TMEM132D: variants seen among roughly 807,000 people sequenced by gnomAD.
The protein encoded by TMEM132D is transmembrane protein 132D, also known as mature OL transmembrane protein.
In TMEM132D, 21 loss-of-function variants were observed where a neutral mutation model predicts 62.3. The observed-to-expected ratio is 0.34, with a 90% confidence interval of 0.24 to 0.49. TMEM132D has a LOEUF of 0.49. Among genes scored for constraint, TMEM132D ranks in the 20% least tolerant of loss-of-function variants. The pLI is 0.99. For synonymous variants in TMEM132D, 621 were observed against 575.6 expected (o/e 1.08, Z -1.13); for missense variants, 1,346 against 1,402.8 (o/e 0.96, Z 0.65).
At chr12:129,292,709 T>C (rs997572741) in intron 4 of TMEM132D, among the ~76,000 whole-genome samples, 4 of 152,190 alleles carry the variant, frequency 2.6e-5, no homozygotes, top group African/African-American at 9.6e-5. Flanking sequence ...TAACTTTTAA[T>C]AGCACATAAT....
intron 6 of TMEM132D, 135 bp downstream of exon 6, chr12:129,084,362 C>G: frequency 1.2e-6 from 1 of 868,228 alleles, no homozygotes; most frequent in South Asian, 2.1e-5. Context: ...CAACACAGAG[C>G]AAATCCAAGC....
chr12:129,328,106 C>A (rs1868977617), intron 4 of TMEM132D, among the ~76,000 whole-genome samples: 1 of 152,220 alleles, frequency 6.6e-6, no homozygotes, highest in African/African-American at 2.4e-5. Flanking sequence ...GGAGCAATGT[C>A]TGAGCTCAAA....
chr12:129,514,468 G>A (rs766604546), intron 3 of TMEM132D, among the ~76,000 whole-genome samples: 1 of 152,122 alleles, frequency 6.6e-6, no homozygotes, highest in Non-Finnish European at 1.5e-5. Context: ...ACATTGAAGG[G>A]CTAGATTTTT....
chr12:129,202,754 C>T (rs930419386), intron 5 of TMEM132D, among the ~76,000 whole-genome samples: 2 of 152,124 alleles, frequency 1.3e-5, no homozygotes, highest in Non-Finnish European at 2.9e-5. Flanking sequence ...CTTCCTCATG[C>T]CATTCCCTCT....
chr12:129,781,672 C>G (rs1565983577), intron 1 of TMEM132D, among the ~76,000 whole-genome samples: 1 of 152,060 alleles, frequency 6.6e-6, no homozygotes, highest in Non-Finnish European at 1.5e-5. Flanking sequence ...AAGCAAAGAA[C>G]CAGAGAACAC....
chr12:129,090,086 A>G (rs1008560091), intron 5 of TMEM132D, among the ~76,000 whole-genome samples: 11 of 152,222 alleles, frequency 7.2e-5, no homozygotes, highest in African/African-American at 2.4e-4. Flanking sequence ...AGCAGCCGCT[A>G]TGAGCTTCCG....
At chr12:129,121,893 G>T (rs943227189) in intron 5 of TMEM132D, among the ~76,000 whole-genome samples, 3 of 152,210 alleles carry the variant, frequency 2.0e-5, no homozygotes, top group Non-Finnish European at 4.4e-5. Flanking sequence ...GATATTGAGG[G>T]TGAGAGAAAG....
At chr12:129,221,156 T>C (rs2135573479) in intron 4 of TMEM132D, among the ~76,000 whole-genome samples, 1 of 152,348 alleles carries the variant, frequency 6.6e-6, no homozygotes, top group East Asian at 1.9e-4. Context: ...GTTGAAGCAA[T>C]ACAGCTTTCA....
Position 129,609,001 on chromosome 12 carries a change from C to T in TMEM132D, c.969-77796G>A, listed in dbSNP as rs371748409. ...TGTCACCCAGGCTGGAGTGTAGTGGCGTGATCTTGGCCCACTGCAACCTCT... is the reference window on the plus strand; with the variant it reads ...TGTCACCCAGGCTGGAGTGTAGTGGTGTGATCTTGGCCCACTGCAACCTCT... On this transcript the variant is annotated intron_variant, in intron 2 of 8. Transcript: ENST00000422113. Among the ~76,000 whole-genome samples, 99 of 148,978 alleles carry T rather than the reference C, an allele frequency of 6.6e-4. 1 individual carries two copies. The highest frequency in any genetic ancestry group is 3.2e-3 in the East Asian group (16 of 5,020).
At chr12:129,799,093 C>T (rs1324952075) in intron 1 of TMEM132D, among the ~76,000 whole-genome samples, 6 of 152,098 alleles carry the variant, frequency 3.9e-5, no homozygotes, top group Non-Finnish European at 5.9e-5. Context: ...AGTGAAACCC[C>T]GTCTCTACTA....
At chr12:129,728,343 A>G (rs910233116) in intron 1 of TMEM132D, among the ~76,000 whole-genome samples, 4 of 152,160 alleles carry the variant, frequency 2.6e-5, no homozygotes, top group Non-Finnish European at 5.9e-5. Flanking sequence ...TTCCAAATTC[A>G]TTTGCCAACA....
At chr12:129,187,900 A>G (rs1258539089) in intron 5 of TMEM132D, among the ~76,000 whole-genome samples, 1 of 152,256 alleles carries the variant, frequency 6.6e-6, no homozygotes, top group Non-Finnish European at 1.5e-5. Flanking sequence ...CCTATCCTGT[A>G]TTATTACTTA....
At chr12:129,435,484 T>C (rs1459537111) in intron 3 of TMEM132D, among the ~76,000 whole-genome samples, 1 of 152,238 alleles carries the variant, frequency 6.6e-6, no homozygotes, top group East Asian at 1.9e-4. Context: ...CAGTATTTGT[T>C]ATTTTTTGTC....
At chr12:129,698,565 GGGGAGAA>G (rs1237746567) in intron 2 of TMEM132D, among the ~76,000 whole-genome samples, 1 of 2,580 alleles carries the variant, frequency 3.9e-4, no homozygotes, top group African/African-American at 1.1e-3. Flanking sequence ...GGAGAAGGGA[GGGGAGAA>G]GGGAGGGGAG....
chr12:129,239,078 A>G (rs888158802), intron 4 of TMEM132D, among the ~76,000 whole-genome samples: 1 of 149,696 alleles, frequency 6.7e-6, no homozygotes, highest in Non-Finnish European at 1.5e-5. Context: ...CTTTTCCCCA[A>G]TGATTAAGGA....
rs530167192 is a variant in TMEM132D at position 129,850,390 on chromosome 12, A to G, written c.79+52871T>C. ...CCTGCCCCCACGGAGGATGTGCACC[A>G]GGCACTTAGTTCCAAGTTCACGGGA... On this transcript the variant is annotated intron_variant, in intron 1 of 8. Transcript: ENST00000422113. 5.9e-4 allele frequency among the ~76,000 whole-genome samples: 90 copies of G among 152,334 alleles called. 1 individual carries two copies. In the South Asian group the frequency reaches 0.018, roughly 30 times the overall value.
At chr12:129,392,559 G>GA (rs1351273436) in intron 3 of TMEM132D, among the ~76,000 whole-genome samples, 1 of 152,182 alleles carries the variant, frequency 6.6e-6, no homozygotes, top group Non-Finnish European at 1.5e-5. Flanking sequence ...TAAAAAAGCT[G>GA]AGAGGTCAGT....
intron 4 of TMEM132D, among the ~76,000 whole-genome samples, chr12:129,301,031 C>A (rs1384873213): frequency 6.6e-6 from 1 of 152,182 alleles, no homozygotes; most frequent in African/African-American, 2.4e-5. Flanking sequence ...CACCTCACAT[C>A]TCTAGCCACG....
intron 4 of TMEM132D, among the ~76,000 whole-genome samples, chr12:129,303,985 A>G (rs1341762964): frequency 1.3e-5 from 2 of 152,282 alleles, no homozygotes; most frequent in Middle Eastern, 3.4e-3. Flanking sequence ...TGCGCCCTCG[A>G]TGGCTTAGAT....
Sources: gnomAD v4.1 joint callset for allele counts (sites outside exome capture counted in the v4.1 genomes callset) on GRCh38, gnomAD v4.1.1 for gene constraint, MANE v1.5 for transcripts, NCBI Gene and HGNC (gene_info 2026-07-23, HGNC 2026-07-21) for gene names.